Variants in GXYLT2 observed in about 807,000 individuals in gnomAD.
GXYLT2 encodes the protein glycosyltransferase 8 domain containing 4.
GXYLT2 carries 53 observed loss-of-function variants against 45.8 expected under a neutral mutation model. That is an observed-to-expected ratio of 1.16 (90% CI 0.93 to 1.46). The LOEUF is 1.46. Ranked by LOEUF, GXYLT2 falls within the 40% of genes most tolerant of loss-of-function variation. GXYLT2 has a pLI of 0.00. For missense variants in GXYLT2, 551 were observed against 544.4 expected (o/e 1.01, Z -0.12); for synonymous variants, 219 against 214.2 (o/e 1.02, Z -0.19).
intron 3 of GXYLT2, among the ~76,000 whole-genome samples, chr3:72,941,058 A>G (rs1710288882): frequency 6.6e-6 from 1 of 152,228 alleles, no homozygotes; most frequent in African/African-American, 2.4e-5. Context: ...TATGCAAGCT[A>G]TCTGTTCACA....
chr3:72,970,755 G>A (rs927861523), intron 6 of GXYLT2, among the ~76,000 whole-genome samples: 8 of 152,028 alleles, frequency 5.3e-5, no homozygotes, highest in African/African-American at 1.2e-4. Flanking sequence ...CCAGCTACTC[G>A]GGTGGCTGAG....
At chr3:72,894,334 G>C (rs917859864) in intron 1 of GXYLT2, among the ~76,000 whole-genome samples, 5 of 152,172 alleles carry the variant, frequency 3.3e-5, no homozygotes, top group Non-Finnish European at 7.4e-5. Context: ...CAAAATCTTG[G>C]GACTATTGAT....
intron 3 of GXYLT2, among the ~76,000 whole-genome samples, chr3:72,928,366 C>A (rs1387594078): frequency 1.3e-5 from 2 of 152,188 alleles, no homozygotes; most frequent in African/African-American, 4.8e-5. Flanking sequence ...TCCCTCCTTC[C>A]CCCTTCCAGT....
Position 72,955,159 on chromosome 3 carries a change from C to T in GXYLT2, c.662C>T (p.Pro221Leu). The T allele has an allele frequency of 6.2e-7, 1 of 1,613,938 alleles. No homozygotes were observed. The highest frequency in any genetic ancestry group is 1.1e-5 in the South Asian group (1 of 91,064). Residue 221 changes from proline (P) to leucine (L), a missense_variant, in exon 4 of 7, where the codon CCT becomes CTT. Pro to Leu is a moderately conservative substitution (Grantham distance 98). Coordinates refer to ENST00000389617, the MANE Select transcript of GXYLT2 (RefSeq NM_001080393.2). ...YVDTDVLFLR[P>L]VDDIWKLLRL... ...GACACCGATGTCCTCTTTCTGAGAC[C>T]TGTTGATGACATCTGGAAGCTTCTG...
At chr3:72,966,614 T>C (rs916021112) in intron 5 of GXYLT2, among the ~76,000 whole-genome samples, 15 of 145,614 alleles carry the variant, frequency 1.0e-4, no homozygotes, top group Admixed American at 4.3e-4. Flanking sequence ...AATTTATTTT[T>C]GTAATTTTTT....
Position 72,928,262 on chromosome 3 carries a change from C to A in GXYLT2, c.600+5927C>A, listed in dbSNP as rs546786116. Among the ~76,000 whole-genome samples the A allele has an allele frequency of 2.0e-4, 30 of 152,262 alleles. No individual in the cohort carries two copies. The South Asian group carries it at 6.2e-3, about 32-fold the overall frequency. On this transcript the variant is annotated intron_variant, in intron 3 of 6. Coordinates refer to ENST00000389617, the MANE Select transcript of GXYLT2 (RefSeq NM_001080393.2). Reference sequence around the variant, plus strand: ...CTATCTAAATACTTTGGAAATTGTCCTAAGGACCTAGGCAAATGAAGGAAC... The same window carrying A: ...CTATCTAAATACTTTGGAAATTGTCATAAGGACCTAGGCAAATGAAGGAAC...
intron 3 of GXYLT2, among the ~76,000 whole-genome samples, chr3:72,942,420 T>C (rs1178088413): frequency 6.6e-6 from 1 of 152,142 alleles, no homozygotes. Flanking sequence ...GCGGGTAAGA[T>C]CTACCTGTGA....
At chr3:72,908,580 GCA>G in intron 2 of GXYLT2, 21 bp downstream of exon 2, 1 of 1,506,426 alleles carries the variant, frequency 6.6e-7, no homozygotes, top group Non-Finnish European at 9.0e-7. Context: ...AGAAATCATG[GCA>G]CAGTGTTTAC....
chr3:72,951,839 T>A (rs1710533591), intron 3 of GXYLT2, among the ~76,000 whole-genome samples: 1 of 152,098 alleles, frequency 6.6e-6, no homozygotes, highest in Non-Finnish European at 1.5e-5. Flanking sequence ...TTTTTTTGTT[T>A]TGTTTTATTT....
chr3:72,920,702 G>T (rs76034473), intron 2 of GXYLT2, among the ~76,000 whole-genome samples: 1 of 151,756 alleles, frequency 6.6e-6, no homozygotes, highest in Non-Finnish European at 1.5e-5. Context: ...AATGTAGCCC[G>T]AGGAAATGAA....
At chr3:72,908,007 C>T (rs1367915572) in intron 1 of GXYLT2, 2 of 177,382 alleles carry the variant, frequency 1.1e-5, no homozygotes, top group African/African-American at 4.7e-5. Context: ...TTTCCACGGC[C>T]TGTGCGAGTG....
At position 72,906,948 on chromosome 3, in the gene GXYLT2, A is replaced by G. The variant is rs139996500; in HGVS notation, c.276-1419A>G. On this transcript the variant is annotated intron_variant, in intron 1 of 6. Transcript: ENST00000389617. ...TGATTTTAATCAAGAGAATAACACA[A>G]TCCTATTTGCACTTTAGAGAAACAT... is the stretch of plus-strand genomic sequence containing the variant. Among the ~76,000 whole-genome samples, 33 of 152,240 alleles carry G rather than the reference A, an allele frequency of 2.2e-4. No individual in the cohort carries two copies. In the East Asian group the frequency reaches 4.8e-3, roughly 22 times the overall value.
At chr3:72,968,547 A>AT (rs1185828053) in intron 6 of GXYLT2, among the ~76,000 whole-genome samples, 1 of 152,168 alleles carries the variant, frequency 6.6e-6, no homozygotes, top group Non-Finnish European at 1.5e-5. Flanking sequence ...CCAGTCTTCC[A>AT]TTTTTCCCCA....
chr3:72,914,567 G>A (rs7626001), intron 2 of GXYLT2, among the ~76,000 whole-genome samples: 2,728 of 152,068 alleles, frequency 0.018, 78 homozygotes, highest in African/African-American at 0.061. Flanking sequence ...GCTTGCGTGC[G>A]CATGTATATG....
chr3:72,970,135 G>T lies in GXYLT2; in HGVS notation c.1149+2416G>T, dbSNP rs745651111. Among the ~76,000 whole-genome samples the T allele has an allele frequency of 3.3e-5, 5 of 152,220 alleles. No individual in the cohort carries two copies. In the South Asian group the frequency reaches 1.0e-3, roughly 32 times the overall value. On this transcript the variant is annotated intron_variant, in intron 6 of 6. Transcript: ENST00000389617. ...GGAGGCTGAGACAGGCAGATCACTTGAGGTTAGGAATTCAAGACCAGCCTG... is the reference window on the plus strand; with the variant it reads ...GGAGGCTGAGACAGGCAGATCACTTTAGGTTAGGAATTCAAGACCAGCCTG...
At chr3:72,974,524 G>A (rs1711053238) in intron 6 of GXYLT2, among the ~76,000 whole-genome samples, 1 of 152,200 alleles carries the variant, frequency 6.6e-6, no homozygotes, top group African/African-American at 2.4e-5. Context: ...GCGTAAACAT[G>A]CTATGATATA....
intron 3 of GXYLT2, among the ~76,000 whole-genome samples, chr3:72,954,515 G>A (rs2107140641): frequency 6.6e-6 from 1 of 150,794 alleles, no homozygotes; most frequent in African/African-American, 2.4e-5. Context: ...ATCCAAAGAT[G>A]GAGAGTATTT....
intron 3 of GXYLT2, among the ~76,000 whole-genome samples, chr3:72,930,591 TC>T (rs1373310819): frequency 7.6e-4 from 69 of 90,550 alleles, no homozygotes; most frequent in Admixed American, 1.3e-3. Flanking sequence ...TTCTTCTTCT[TC>T]TTTTTTTTTT....
At chr3:72,928,060 C>T (rs989944947) in intron 3 of GXYLT2, among the ~76,000 whole-genome samples, 10 of 152,198 alleles carry the variant, frequency 6.6e-5, no homozygotes, top group Admixed American at 3.3e-4. Context: ...TGCAAGGCTA[C>T]TCCATAAGCA....
Sources: allele counts gnomAD v4.1 joint callset (sites outside exome capture counted in the v4.1 genomes callset), GRCh38; gene constraint gnomAD v4.1.1; transcripts MANE v1.5; gene names NCBI Gene and HGNC (gene_info 2026-07-23, HGNC 2026-07-21).